UNC13B: variants seen among roughly 807,000 people sequenced by gnomAD.
UNC13B encodes protein unc-13 homolog B.
A neutral mutation model predicts 211.0 loss-of-function variants in UNC13B; 144 were observed. That is an observed-to-expected ratio of 0.68 (90% CI 0.60 to 0.78). The LOEUF (loss-of-function observed/expected upper bound fraction) is 0.78, where lower values mean the gene tolerates loss of function less well. Among genes scored for constraint, UNC13B ranks in the 30% least tolerant of loss-of-function variants. UNC13B has a pLI of 0.00. For synonymous variants in UNC13B, 709 were observed against 725.8 expected (o/e 0.98, Z 0.37); for missense variants, 1,777 against 2,002.0 (o/e 0.89, Z 2.14).
In UNC13B at chr9:35,342,632, C is replaced by CA. The variant is rs1832076250; in HGVS notation, c.9415-24312dup. On this transcript the variant is annotated intron_variant, in intron 11 of 39. Transcript: ENST00000635942. ...CTCTGGATGTGTGCATATTCATATA[C>CA]AAATAATCTGTTTCTCCTTTTTCAT... is the stretch of plus-strand genomic sequence containing the variant. 3.3e-5 allele frequency among the ~76,000 whole-genome samples: 5 copies of CA among 152,010 alleles called. No individual in the cohort carries two copies. The South Asian group carries it at 1.0e-3, about 32-fold the overall frequency.
chr9:35,316,510 C>CGTGT (rs138221396), intron 11 of UNC13B, among the ~76,000 whole-genome samples: 1 of 151,890 alleles, frequency 6.6e-6, no homozygotes, highest in Non-Finnish European at 1.5e-5. Flanking sequence ...TATAGATGTG[C>CGTGT]GTGTGTGTGT....
At chr9:35,220,714 T>G (rs1284249610) in intron 1 of UNC13B, among the ~76,000 whole-genome samples, 1 of 152,210 alleles carries the variant, frequency 6.6e-6, no homozygotes, top group Non-Finnish European at 1.5e-5. Context: ...TATTGTGAAA[T>G]GGTGCTTCAA....
At chr9:35,222,443 A>G (rs1213502869) in intron 1 of UNC13B, among the ~76,000 whole-genome samples, 2 of 152,208 alleles carry the variant, frequency 1.3e-5, no homozygotes, top group African/African-American at 2.4e-5. Context: ...TTAAACAGGA[A>G]GAAATACATA....
At chr9:35,338,628 A>G (rs1831804073) in intron 11 of UNC13B, among the ~76,000 whole-genome samples, 1 of 152,182 alleles carries the variant, frequency 6.6e-6, no homozygotes, top group Non-Finnish European at 1.5e-5. Flanking sequence ...ACTATATGTC[A>G]GCTTTTTCAT....
intron 1 of UNC13B, among the ~76,000 whole-genome samples, chr9:35,166,288 A>G (rs1821034839): frequency 6.6e-6 from 1 of 152,262 alleles, no homozygotes; most frequent in South Asian, 2.1e-4. Flanking sequence ...AGGCTGAGGC[A>G]TGAGAATTGC....
At chr9:35,249,041 G>C (rs1472040542) in intron 6 of UNC13B, among the ~76,000 whole-genome samples, 1 of 152,186 alleles carries the variant, frequency 6.6e-6, no homozygotes, top group Non-Finnish European at 1.5e-5. Flanking sequence ...GGGTGCTCCT[G>C]TATTGGGTGC....
intron 1 of UNC13B, among the ~76,000 whole-genome samples, chr9:35,182,861 T>C (rs1184116708): frequency 1.3e-5 from 2 of 152,218 alleles, no homozygotes; most frequent in African/African-American, 4.8e-5. Context: ...GAGTCTCCTA[T>C]GTCTACTTCT....
chr9:35,287,461 A>C (rs1227194081), intron 7 of UNC13B, among the ~76,000 whole-genome samples: 1 of 152,174 alleles, frequency 6.6e-6, no homozygotes, highest in Non-Finnish European at 1.5e-5. Context: ...ACAATGTACA[A>C]GAGTTCCAGT....
chr9:35,338,949 C>T (rs1424926969), intron 11 of UNC13B, among the ~76,000 whole-genome samples: 1 of 152,190 alleles, frequency 6.6e-6, no homozygotes, highest in East Asian at 1.9e-4. Context: ...TTCTGTGACA[C>T]CACTCAGTTG....
At position 35,398,997 on chromosome 9, in the gene UNC13B, A is replaced by G. The variant is rs367595308; in HGVS notation, c.12037A>G (p.Ser4013Gly). ...ARASAAQDAD[S>G]VLRPLMDFLD... ...GGCCTCAGCGGCTCAGGATGCAGAT[A>G]GCGTACTCCGGCCTCTCATGGACTT... The change falls in exon 33 of 40, where the codon AGC becomes GGC. Residue 4013 changes from serine to glycine, a missense_variant. Physicochemically the swap from Ser to Gly is moderately conservative, Grantham distance 56 (BLOSUM62 0). Transcript: ENST00000635942. 2 of 1,614,030 alleles carry G rather than the reference A, an allele frequency of 1.2e-6. No homozygotes were observed. The highest frequency in any genetic ancestry group is 2.7e-5 in the African/African-American group (2 of 74,916).
At chr9:35,352,317 G>A (rs1473635607) in intron 11 of UNC13B, 3 of 1,232,052 alleles carry the variant, frequency 2.4e-6, no homozygotes, top group African/African-American at 1.6e-5. Context: ...TACAGGGCAG[G>A]CACATCCCCT....
At chr9:35,378,559 G>T in intron 17 of UNC13B, 123 bp downstream of exon 17, 1 of 1,276,670 alleles carries the variant, frequency 7.8e-7, no homozygotes, top group East Asian at 2.3e-5. Context: ...CTCATTTCTC[G>T]CATGCTTCGT....
At chr9:35,268,532 T>C (rs1283489000) in intron 7 of UNC13B, among the ~76,000 whole-genome samples, 2 of 152,120 alleles carry the variant, frequency 1.3e-5, no homozygotes, top group East Asian at 1.9e-4. Flanking sequence ...GGCAGAAGAA[T>C]TGCTTGAACC....
At chr9:35,375,051 G>A in intron 13 of UNC13B, 76 bp from the exon 14 acceptor site, 1 of 1,483,912 alleles carries the variant, frequency 6.7e-7, no homozygotes, top group Admixed American at 1.7e-5. Context: ...AGTGGCTTTG[G>A]TCACTGAAGC....
At chr9:35,180,925 C>CT (rs1282367115) in intron 1 of UNC13B, among the ~76,000 whole-genome samples, 19 of 88,614 alleles carry the variant, frequency 2.1e-4, no homozygotes, top group African/African-American at 4.6e-5. Flanking sequence ...GAGACCCTGT[C>CT]TTTAAAAAAA....
At chr9:35,231,549 A>G (rs1220742486) in intron 3 of UNC13B, among the ~76,000 whole-genome samples, 1 of 152,136 alleles carries the variant, frequency 6.6e-6, no homozygotes. Context: ...AGTACAACAG[A>G]CTTAGCATGA....
Position 35,381,703 on chromosome 9 carries a change from A to G in UNC13B, c.10639A>G (p.Ile3547Val), listed in dbSNP as rs768006513. The G allele has an allele frequency of 1.2e-5, 20 of 1,614,036 alleles. No individual in the cohort carries two copies. The highest frequency in any genetic ancestry group is 1.6e-5 in the Non-Finnish European group (19 of 1,179,990). Residue 3547 changes from isoleucine to valine, a missense_variant, in exon 20 of 40, where the codon ATA becomes GTA. Coordinates refer to ENST00000635942, the MANE Select transcript of UNC13B (RefSeq NM_001371189.2). ...TGCCATGCGTTATGGCATTGAGTCC[A>G]TATATCAGGCCATGACGTGAGTCTC... Reference protein sequence around the residue: ...EFAMRYGIESIYQAMTHFACL... With the variant: ...EFAMRYGIESVYQAMTHFACL...
At chr9:35,348,544 T>A (rs539500952) in intron 11 of UNC13B, among the ~76,000 whole-genome samples, 176 of 152,272 alleles carry the variant, frequency 1.2e-3, no homozygotes, top group Non-Finnish European at 2.2e-3. Context: ...GGCAGGAGTC[T>A]GGGGCAGAAG....
chr9:35,276,816 GGT>G (rs1315659552), intron 7 of UNC13B, among the ~76,000 whole-genome samples: 1 of 151,820 alleles, frequency 6.6e-6, no homozygotes, highest in Non-Finnish European at 1.5e-5. Flanking sequence ...TTAATTATGC[GGT>G]GTCTTTCAAT....
Sources: allele counts gnomAD v4.1 joint callset (sites outside exome capture counted in the v4.1 genomes callset), GRCh38; gene constraint gnomAD v4.1.1; transcripts MANE v1.5; gene names NCBI Gene and HGNC (gene_info 2026-07-23, HGNC 2026-07-21).